The following CHL1 variants were observed in gnomAD, a reference collection of about 807,000 sequenced individuals.
CHL1 encodes cell adhesion molecule L1 like.
CHL1 carries 96 observed loss-of-function variants against 141.9 expected under a neutral mutation model. That is an observed-to-expected ratio of 0.68 (90% confidence interval 0.57 to 0.80). CHL1 has a LOEUF of 0.80. Ranked by LOEUF, CHL1 falls within the 30% of genes least tolerant of loss-of-function variation. CHL1 has a pLI of 0.00. For synonymous variants in CHL1, 613 were observed against 502.2 expected, an observed-to-expected ratio of 1.22 and a Z score of -2.95; for missense variants, 1,820 against 1,457.2, an observed-to-expected ratio of 1.25 and a Z score of -4.05.
At chr3:321,433 T>C (rs1271068219) in intron 3 of CHL1, among the ~76,000 whole-genome samples, 1 of 152,088 alleles carries the variant, frequency 6.6e-6, no homozygotes, top group African/African-American at 2.4e-5. Flanking sequence ...CCTTCATCTT[T>C]AGTGAATTCT....
intron 15 of CHL1, among the ~76,000 whole-genome samples, chr3:367,082 G>T (rs150868109): frequency 4.0e-4 from 61 of 152,322 alleles, no homozygotes; most frequent in African/African-American, 1.3e-3. Context: ...ATAGAGGAAA[G>T]TGTGAATGGA....
At position 394,816 on chromosome 3, in the gene CHL1, C is replaced by A. The variant is rs759196112; in HGVS notation, c.3038C>A (p.Thr1013Asn). 1.9e-6 allele frequency: 3 copies of A among 1,613,932 alleles called. No individual in the cohort carries two copies. Among genetic ancestry groups the A allele is most frequent in the African/African-American group, 2.7e-5 (2 of 74,926 alleles). ...TACAAATTCTACTTGAGGGCTTGCA[C>A]TTCACAGGGCTGTGGAAAACCGATC... Reference protein sequence around the residue: ...TKYKFYLRACTSQGCGKPITE... With the variant: ...TKYKFYLRACNSQGCGKPITE... Residue 1013 changes from threonine (T) to asparagine (N), a missense_variant, in exon 24 of 28, where the codon ACT becomes AAT. By Grantham distance (65) the Thr-to-Asn change is moderately conservative. Transcript: ENST00000256509.
intron 2 of CHL1, among the ~76,000 whole-genome samples, chr3:306,761 C>T (rs1699263180): frequency 6.6e-6 from 1 of 152,012 alleles, no homozygotes; most frequent in African/African-American, 2.4e-5. Flanking sequence ...GGTGAGATAT[C>T]CCAAACCATG....
At chr3:351,664 A>G (rs900368918) in intron 10 of CHL1, among the ~76,000 whole-genome samples, 1 of 152,084 alleles carries the variant, frequency 6.6e-6, no homozygotes, top group Non-Finnish European at 1.5e-5. Context: ...TTCTGAAAAC[A>G]CCCATTGTGC....
intron 2 of CHL1, among the ~76,000 whole-genome samples, chr3:313,267 G>C (rs983235592): frequency 1.3e-5 from 2 of 152,090 alleles, no homozygotes; most frequent in Non-Finnish European, 2.9e-5. Context: ...ACCTAAAACT[G>C]TTTGTGAATA....
intron 7 of CHL1, among the ~76,000 whole-genome samples, chr3:342,478 C>T (rs1293562298): frequency 6.6e-6 from 1 of 152,146 alleles, no homozygotes; most frequent in East Asian, 1.9e-4. Context: ...ATTTGTATCA[C>T]CAAACTGGCA....
chr3:234,205 A>G (rs1691713349), intron 1 of CHL1, among the ~76,000 whole-genome samples: 1 of 150,786 alleles, frequency 6.6e-6, no homozygotes, highest in African/African-American at 2.4e-5. Context: ...ATATATATAT[A>G]TATGTATATA....
At chr3:340,563 A>G (rs1702271453) in intron 5 of CHL1, among the ~76,000 whole-genome samples, 1 of 152,188 alleles carries the variant, frequency 6.6e-6, no homozygotes, top group Admixed American at 6.5e-5. Flanking sequence ...GCATAACAAA[A>G]ACATTATTGT....
At chr3:272,556 A>G (rs1695727149) in intron 2 of CHL1, among the ~76,000 whole-genome samples, 1 of 152,224 alleles carries the variant, frequency 6.6e-6, no homozygotes, top group African/African-American at 2.4e-5. Flanking sequence ...GTATTAGCCT[A>G]TTAGCCATGG....
chr3:309,446 TTTC>T (rs1170490280), intron 2 of CHL1: 4 of 147,626 alleles, frequency 2.7e-5, no homozygotes, highest in African/African-American at 1.1e-4. Context: ...CTTTCTTTCT[TTTC>T]TCTTTCTTTC....
At chr3:209,775 T>C (rs1699746068) in intron 1 of CHL1, among the ~76,000 whole-genome samples, 1 of 152,216 alleles carries the variant, frequency 6.6e-6, no homozygotes, top group Admixed American at 6.5e-5. Context: ...AGTGTTCTCA[T>C]TGAACAGAAC....
At chr3:386,881 G>T (rs1362112923) in intron 19 of CHL1, among the ~76,000 whole-genome samples, 1 of 152,098 alleles carries the variant, frequency 6.6e-6, no homozygotes, top group East Asian at 1.9e-4. Flanking sequence ...AAATTGTTGA[G>T]AGACTAGGTT....
rs148303063 is a variant in CHL1 at position 358,819 on chromosome 3, G to A, written c.1166-1465G>A. On this transcript the variant is annotated intron_variant, in intron 11 of 27. Coordinates refer to ENST00000256509, the MANE Select transcript of CHL1 (RefSeq NM_006614.4). ...TAAAGCTTAGTATAGTCATTATCTC[G>A]TATAATGGAGAGACAATCAGAAAAG... Among the ~76,000 whole-genome samples, 13 of 151,798 alleles carry A rather than the reference G, an allele frequency of 8.6e-5. No individual in the cohort carries two copies. In the South Asian group the frequency reaches 2.1e-3, roughly 24 times the overall value.
chr3:333,356 G>C (rs906279433), intron 5 of CHL1, among the ~76,000 whole-genome samples: 8 of 151,704 alleles, frequency 5.3e-5, no homozygotes, highest in Admixed American at 3.9e-4. Context: ...TAGAGAATTG[G>C]TTCTTCTCAA....
chr3:271,346 G>A (rs1341893105), intron 2 of CHL1, among the ~76,000 whole-genome samples: 1 of 152,216 alleles, frequency 6.6e-6, no homozygotes, highest in Admixed American at 6.5e-5. Flanking sequence ...GGCTGAGGCA[G>A]GAGGACTGCT....
At chr3:269,882 G>A (rs1335354086) in intron 2 of CHL1, among the ~76,000 whole-genome samples, 1 of 152,106 alleles carries the variant, frequency 6.6e-6, no homozygotes, top group Non-Finnish European at 1.5e-5. Context: ...CCTCATCTAA[G>A]GGGGTTGGTA....
chr3:319,032 T>C (rs1284224374), intron 2 of CHL1, among the ~76,000 whole-genome samples: 1 of 151,432 alleles, frequency 6.6e-6, no homozygotes, highest in African/African-American at 2.4e-5. Flanking sequence ...CTGGAGGTCA[T>C]TATTCTAAGC....
chr3:232,251 A>G (rs560022291), intron 1 of CHL1, among the ~76,000 whole-genome samples: 3 of 152,234 alleles, frequency 2.0e-5, no homozygotes, highest in African/African-American at 4.8e-5. Flanking sequence ...GAGTGACACA[A>G]CTGTTTTTGT....
At position 276,665 on chromosome 3, in the gene CHL1, G is replaced by A. The variant is rs59000887; in HGVS notation, c.-95+31973G>A. Among the ~76,000 whole-genome samples, 789 of 151,898 alleles carry A rather than the reference G, an allele frequency of 5.2e-3. 10 individuals are homozygous for A. Among genetic ancestry groups the A allele is most frequent in the African/African-American group, 0.018 (735 of 41,464 alleles). ...AGCACTTTGGGAGGCCGAGGGGGGC[G>A]GATCACGAGGTCAGGAGATTGAGAC... On this transcript the variant is annotated intron_variant, in intron 2 of 27. Transcript: ENST00000256509.
Sources: gnomAD v4.1 joint callset for allele counts (sites outside exome capture counted in the v4.1 genomes callset) on GRCh38, gnomAD v4.1.1 for gene constraint, MANE v1.5 for transcripts, NCBI Gene and HGNC (gene_info 2026-07-23, HGNC 2026-07-21) for gene names.